Variants in CNTN5 observed in about 807,000 individuals in gnomAD.
The protein encoded by CNTN5 is contactin-5.
In CNTN5, 77 loss-of-function variants were observed where a neutral mutation model predicts 129.1. The ratio of observed to expected loss-of-function variants is 0.60; its 90% CI spans 0.50 to 0.72. The LOEUF (loss-of-function observed/expected upper bound fraction) is 0.72. CNTN5 is among the 30% of genes least tolerant of loss of function. The pLI is 0.00. For synonymous variants in CNTN5, 509 were observed against 465.6 expected (o/e 1.09, Z -1.20); for missense variants, 1,478 against 1,328.8 (o/e 1.11, Z -1.75).
intron 3 of CNTN5, among the ~76,000 whole-genome samples, chr11:99,819,302 T>TCCTC: frequency 2.1e-4 from 1 of 4,812 alleles, no homozygotes; most frequent in Non-Finnish European, 4.1e-4. Flanking sequence ...CTCCTCCCCT[T>TCCTC]CCCTCCCCTC....
At chr11:99,231,202 GGT>G (rs1860977405) in intron 1 of CNTN5, among the ~76,000 whole-genome samples, 1 of 152,102 alleles carries the variant, frequency 6.6e-6, no homozygotes, top group Non-Finnish European at 1.5e-5. Context: ...TGGTATTTCT[GGT>G]TCTAGGTCTT....
chr11:99,748,853 T>C (rs1013956348), intron 3 of CNTN5, among the ~76,000 whole-genome samples: 2 of 152,340 alleles, frequency 1.3e-5, no homozygotes, highest in East Asian at 3.9e-4. Context: ...CTGATTCAAA[T>C]GGTAATCTCT....
chr11:100,049,598 G>A (rs183118587), intron 9 of CNTN5, among the ~76,000 whole-genome samples: 12 of 151,968 alleles, frequency 7.9e-5, no homozygotes, highest in Non-Finnish European at 1.3e-4. Flanking sequence ...CAAAAGCAAC[G>A]GCAACAAAAG....
chr11:100,216,640 G>A (rs185672078), intron 15 of CNTN5, among the ~76,000 whole-genome samples: 1 of 152,092 alleles, frequency 6.6e-6, no homozygotes, highest in East Asian at 1.9e-4. Context: ...GGTCTTGGGT[G>A]TTATCGGAAA....
At chr11:99,636,295 A>G (rs1355682522) in intron 3 of CNTN5, among the ~76,000 whole-genome samples, 1 of 152,224 alleles carries the variant, frequency 6.6e-6, no homozygotes, top group Non-Finnish European at 1.5e-5. Flanking sequence ...GTGAAAAAGC[A>G]TCTTCCCTAA....
In CNTN5 at chr11:100,203,713, A is replaced by G. The variant is rs141393332; in HGVS notation, c.1884+10050A>G. On this transcript the variant is annotated intron_variant, in intron 15 of 24. Coordinates refer to ENST00000524871, the MANE Select transcript of CNTN5 (RefSeq NM_014361.4). Reference sequence around the variant, plus strand: ...CTGTCATCTCACCACCTTTTACACTATAATGACTATCATTACCATGTTTCT... The same window carrying G: ...CTGTCATCTCACCACCTTTTACACTGTAATGACTATCATTACCATGTTTCT... 2.7e-4 allele frequency among the ~76,000 whole-genome samples: 41 copies of G among 151,402 alleles called. No homozygotes were observed. In the East Asian group the frequency reaches 7.7e-3, roughly 28 times the overall value.
intron 2 of CNTN5, among the ~76,000 whole-genome samples, chr11:99,434,715 T>C (rs12806753): frequency 3.9e-5 from 6 of 152,294 alleles, no homozygotes; most frequent in South Asian, 2.1e-4. Flanking sequence ...CTTTAACAGA[T>C]GTGTTTCTTT....
intron 1 of CNTN5, among the ~76,000 whole-genome samples, chr11:99,309,222 C>CT (rs10709951): frequency 0.014 from 1,911 of 137,506 alleles, 19 homozygotes; most frequent in African/African-American, 0.03. Context: ...TTTGCTATTT[C>CT]TTTTTTTTTT....
chr11:99,058,470 A>T (rs1029087821), intron 1 of CNTN5, among the ~76,000 whole-genome samples: 4 of 152,040 alleles, frequency 2.6e-5, no homozygotes, highest in Non-Finnish European at 5.9e-5. Context: ...GTATATATAT[A>T]TATTTTCTCA....
At chr11:99,634,580 A>T (rs909838346) in intron 3 of CNTN5, among the ~76,000 whole-genome samples, 1 of 152,116 alleles carries the variant, frequency 6.6e-6, no homozygotes, top group Non-Finnish European at 1.5e-5. Flanking sequence ...ATTTAAATGG[A>T]AATATGGTTG....
intron 2 of CNTN5, among the ~76,000 whole-genome samples, chr11:99,553,987 C>CACACACAT (rs1948584975): frequency 1.4e-5 from 2 of 142,360 alleles, no homozygotes; most frequent in Admixed American, 1.5e-4. Flanking sequence ...CACACACACA[C>CACACACAT]ACACACACAT....
chr11:99,178,369 A>C (rs974472800), intron 1 of CNTN5, among the ~76,000 whole-genome samples: 2 of 125,130 alleles, frequency 1.6e-5, no homozygotes, highest in African/African-American at 6.1e-5. Context: ...CACACACACA[A>C]AATTAGCCAG....
intron 1 of CNTN5, among the ~76,000 whole-genome samples, chr11:99,255,606 G>T (rs1356857512): frequency 6.6e-6 from 1 of 151,272 alleles, no homozygotes; most frequent in Non-Finnish European, 1.5e-5. Flanking sequence ...GAGATTAACG[G>T]ACCACAAAAA....
intron 7 of CNTN5, among the ~76,000 whole-genome samples, chr11:99,948,007 T>G (rs1950590238): frequency 6.6e-6 from 1 of 152,198 alleles, no homozygotes; most frequent in South Asian, 2.1e-4. Flanking sequence ...AAAGGTAATA[T>G]TTTACTAAGT....
chr11:99,780,101 A>G (rs1048710093), intron 3 of CNTN5, among the ~76,000 whole-genome samples: 5 of 151,990 alleles, frequency 3.3e-5, no homozygotes, highest in African/African-American at 9.7e-5. Context: ...TGTTTTGGCA[A>G]CGTTGCCTCT....
intron 3 of CNTN5, among the ~76,000 whole-genome samples, chr11:99,632,613 C>T (rs1951401372): frequency 6.6e-6 from 1 of 152,102 alleles, no homozygotes; most frequent in African/African-American, 2.4e-5. Flanking sequence ...TTCAACTTCA[C>T]AAAATTGAAA....
At chr11:99,493,247 A>G (rs535170017) in intron 2 of CNTN5, among the ~76,000 whole-genome samples, 24 of 152,380 alleles carry the variant, frequency 1.6e-4, no homozygotes, top group African/African-American at 5.3e-4. Flanking sequence ...AAAATCGCCT[A>G]AAGAATGTGT....
intron 7 of CNTN5, among the ~76,000 whole-genome samples, chr11:99,926,983 A>G (rs1225006566): frequency 3.3e-5 from 5 of 152,200 alleles, no homozygotes; most frequent in African/African-American, 4.8e-5. Flanking sequence ...ATGGAAATAC[A>G]TAGATTCTAG....
chr11:99,172,303 AATTT>A (rs1486974651), intron 1 of CNTN5, among the ~76,000 whole-genome samples: 3 of 152,208 alleles, frequency 2.0e-5, no homozygotes, highest in Non-Finnish European at 4.4e-5. Flanking sequence ...ACATAAATGC[AATTT>A]ATTTATAAGA....
Sources: allele counts gnomAD v4.1 joint callset (sites outside exome capture counted in the v4.1 genomes callset), GRCh38; gene constraint gnomAD v4.1.1; transcripts MANE v1.5; gene names NCBI Gene and HGNC (gene_info 2026-07-23, HGNC 2026-07-21).